GRM8: variants seen among roughly 807,000 people sequenced by gnomAD.
GRM8 encodes the protein glutamate metabotropic receptor 8, also known as metabotropic glutamate receptor 8.
In GRM8, 47 loss-of-function variants were observed where a neutral mutation model predicts 87.2. The observed-to-expected ratio is 0.54, with a 90% confidence interval of 0.43 to 0.69. The LOEUF is 0.69. Among genes scored for constraint, GRM8 ranks in the 30% least tolerant of loss-of-function variants. The pLI is 0.00. For missense variants in GRM8, 1,019 were observed against 1,139.2 expected (o/e 0.89, Z 1.52); for synonymous variants, 396 against 404.5 (o/e 0.98, Z 0.25).
intron 7 of GRM8, among the ~76,000 whole-genome samples, chr7:126,653,859 T>C (rs1168985790): frequency 2.0e-5 from 3 of 152,164 alleles, no homozygotes; most frequent in South Asian, 2.1e-4. Context: ...GTAATATGCA[T>C]TGTGGGGAAG....
intron 7 of GRM8, among the ~76,000 whole-genome samples, chr7:126,663,811 G>T (rs1038775410): frequency 2.6e-5 from 4 of 152,068 alleles, no homozygotes; most frequent in African/African-American, 9.7e-5. Flanking sequence ...GCAAGAAAAA[G>T]AAATCAAAGG....
At position 127,202,192 on chromosome 7, in the gene GRM8, GAA is replaced by G. The variant is rs11356627; in HGVS notation, c.510+40501_510+40502del. Reference sequence around the variant, plus strand: ...TTTCTTTTCAGATTGTGTCAAAAAAGAAAAAAAAAAAGGGTCTCACTCTGTCA... The same window carrying G: ...TTTCTTTTCAGATTGTGTCAAAAAAGAAAAAAAAAGGGTCTCACTCTGTCA... On this transcript the variant is annotated intron_variant, in intron 2 of 10. Transcript: ENST00000339582. Among the ~76,000 whole-genome samples the G allele has an allele frequency of 2.4e-4, 36 of 149,778 alleles. No individual in the cohort carries two copies. The East Asian group carries it at 3.9e-3, about 16-fold the overall frequency.
chr7:126,500,238 T>TGCCCCCTC (rs1446827175), intron 9 of GRM8, among the ~76,000 whole-genome samples: 1 of 151,924 alleles, frequency 6.6e-6, no homozygotes, highest in Admixed American at 6.6e-5. Context: ...CTCTCTCCCC[T>TGCCCCCTC]GCCCCCTCAA....
chr7:126,717,785 G>A (rs569242419), intron 7 of GRM8, among the ~76,000 whole-genome samples: 24 of 152,036 alleles, frequency 1.6e-4, no homozygotes, highest in Admixed American at 4.6e-4. Context: ...GGTTAATATC[G>A]GAATAATTTT....
chr7:126,747,376 C>G (rs1015913578), intron 7 of GRM8, among the ~76,000 whole-genome samples: 9 of 151,972 alleles, frequency 5.9e-5, no homozygotes, highest in African/African-American at 1.9e-4. Flanking sequence ...TGTGGTCATG[C>G]ATTCTGCCAG....
chr7:126,831,676 G>T (rs1241293464), intron 6 of GRM8, among the ~76,000 whole-genome samples: 1 of 152,132 alleles, frequency 6.6e-6, no homozygotes, highest in African/African-American at 2.4e-5. Context: ...GCCTTGCCCT[G>T]CTTCAGCTGG....
intron 9 of GRM8, among the ~76,000 whole-genome samples, chr7:126,451,845 C>T (rs1802647477): frequency 6.6e-6 from 1 of 151,680 alleles, no homozygotes; most frequent in Admixed American, 6.6e-5. Context: ...CTGAACACAC[C>T]ATTGAAAATT....
chr7:126,771,127 A>C (rs1232702494), intron 6 of GRM8, among the ~76,000 whole-genome samples: 2 of 152,108 alleles, frequency 1.3e-5, no homozygotes, highest in African/African-American at 2.4e-5. Context: ...GGATGTTACT[A>C]ACCTTGAATA....
At chr7:126,575,501 T>C (rs894028337) in intron 8 of GRM8, among the ~76,000 whole-genome samples, 2 of 151,980 alleles carry the variant, frequency 1.3e-5, no homozygotes, top group Non-Finnish European at 2.9e-5. Flanking sequence ...CCCAAGTCCA[T>C]GGAAAAACTG....
At chr7:126,974,852 C>T (rs1311977602) in intron 3 of GRM8, among the ~76,000 whole-genome samples, 2 of 136,948 alleles carry the variant, frequency 1.5e-5, no homozygotes, top group African/African-American at 5.4e-5. Context: ...AGGAGAATGT[C>T]GTGAACTCGG....
At chr7:126,455,832 G>A (rs962468286) in intron 9 of GRM8, among the ~76,000 whole-genome samples, 3 of 151,426 alleles carry the variant, frequency 2.0e-5, no homozygotes, top group African/African-American at 7.3e-5. Context: ...AGGCGAAGGT[G>A]GATTCAAATA....
chr7:126,509,846 T>C (rs1232164535), intron 9 of GRM8, among the ~76,000 whole-genome samples: 1 of 151,916 alleles, frequency 6.6e-6, no homozygotes, highest in African/African-American at 2.4e-5. Flanking sequence ...AGGACATAGG[T>C]AATAAATAAA....
intron 3 of GRM8, among the ~76,000 whole-genome samples, chr7:126,928,218 G>C (rs1014958965): frequency 6.1e-5 from 8 of 132,156 alleles, no homozygotes; most frequent in African/African-American, 1.4e-4. Context: ...CAGCATGTTG[G>C]GGGGTGGGGG....
chr7:127,250,570 A>AT (rs1319938019), intron 1 of GRM8, among the ~76,000 whole-genome samples: 1 of 148,726 alleles, frequency 6.7e-6, no homozygotes, highest in Non-Finnish European at 1.5e-5. Flanking sequence ...TGACTCTAAA[A>AT]TGGAAAAATT....
chr7:127,034,273 A>C (rs1817648189), intron 3 of GRM8, among the ~76,000 whole-genome samples: 1 of 152,222 alleles, frequency 6.6e-6, no homozygotes, highest in Non-Finnish European at 1.5e-5. Context: ...TGCCATTGGC[A>C]ATACTATTCC....
At chr7:126,733,209 T>A (rs1813810037) in intron 7 of GRM8, among the ~76,000 whole-genome samples, 1 of 152,006 alleles carries the variant, frequency 6.6e-6, no homozygotes, top group Non-Finnish European at 1.5e-5. Flanking sequence ...AGTGATAAAG[T>A]GAAAACAATG....
At chr7:126,921,238 G>T (rs1374778070) in intron 3 of GRM8, among the ~76,000 whole-genome samples, 3 of 152,148 alleles carry the variant, frequency 2.0e-5, no homozygotes, top group Non-Finnish European at 4.4e-5. Flanking sequence ...AGGGCAAGAA[G>T]AAGCTCCTAG....
intron 7 of GRM8, among the ~76,000 whole-genome samples, chr7:126,746,708 C>A (rs1430089641): frequency 6.6e-6 from 1 of 151,164 alleles, no homozygotes; most frequent in East Asian, 1.9e-4. Context: ...ACAATGACTC[C>A]CTTTTGCCTA....
chr7:126,740,392 C>G (rs150534881), intron 7 of GRM8, among the ~76,000 whole-genome samples: 1 of 151,946 alleles, frequency 6.6e-6, no homozygotes, highest in East Asian at 1.9e-4. Context: ...ACAAACAGTA[C>G]GAAGACAGAA....
Sources: gnomAD v4.1 joint callset for allele counts (sites outside exome capture counted in the v4.1 genomes callset) on GRCh38, gnomAD v4.1.1 for gene constraint, MANE v1.5 for transcripts, NCBI Gene and HGNC (gene_info 2026-07-23, HGNC 2026-07-21) for gene names.